ARAP1: variants seen among roughly 807,000 people sequenced by gnomAD.
ARAP1 encodes the protein ArfGAP with RhoGAP domain, ankyrin repeat and PH domain 1, also known as arf-GAP with Rho-GAP domain, ANK repeat and PH domain-containing protein 1.
Under a neutral mutation model 172.2 loss-of-function variants are expected in ARAP1, and 76 were observed. The observed-to-expected ratio is 0.44, with a 90% CI of 0.37 to 0.53. The LOEUF (loss-of-function observed/expected upper bound fraction) is 0.53. Among genes scored for constraint, ARAP1 ranks in the 20% least tolerant of loss-of-function variants. The pLI, the probability that ARAP1 is intolerant of heterozygous loss-of-function variation, is 0.00. For missense variants in ARAP1, 1,686 were observed against 1,977.5 expected (o/e 0.85, Z 2.80); for synonymous variants, 804 against 803.3 (o/e 1.00, Z -0.01).
At chr11:72,743,046 A>G (rs1858249111) in intron 1 of ARAP1, among the ~76,000 whole-genome samples, 1 of 152,002 alleles carries the variant, frequency 6.6e-6, no homozygotes, top group Non-Finnish European at 1.5e-5. Flanking sequence ...TGACCACTCT[A>G]TCCTAAAAAG....
intron 1 of ARAP1, among the ~76,000 whole-genome samples, chr11:72,738,897 C>G (rs902698171): frequency 5.9e-5 from 9 of 152,202 alleles, no homozygotes; most frequent in African/African-American, 2.2e-4. Context: ...TGCAACAACC[C>G]CACAGCCCAA....
rs773908523 is a variant in ARAP1, at chr11:72,713,202, C to A, written c.721G>T (p.Ala241Ser). The A allele has an allele frequency of 1.2e-6, 2 of 1,612,938 alleles. No homozygotes were observed. Among genetic ancestry groups the A allele is most frequent in the Non-Finnish European group, 1.7e-6 (2 of 1,179,344 alleles). ...YDEVPEEGPG[A>S]PARVMTKKEE... Reference sequence around the variant, plus strand: ...TTCTTGGTCATCACTCTGGCTGGGGCCCCCGGCCCCTCCTCTGGGACCTCA... The same window carrying A: ...TTCTTGGTCATCACTCTGGCTGGGGACCCCGGCCCCTCCTCTGGGACCTCA... Residue 241 changes from alanine to serine, a missense_variant, in exon 5 of 35, where the codon GCC (alanine) becomes TCC (serine). Ala to Ser is a moderately conservative substitution (Grantham distance 99). This residue lies in a region of ARAP1 where 155 missense variants were observed against 129.2 expected (regional missense o/e 1.20). Coordinates refer to ENST00000393609, the MANE Select transcript of ARAP1 (RefSeq NM_001040118.3).
chr11:72,704,195 C>T lies in ARAP1; in HGVS notation c.1949G>A (p.Arg650His), dbSNP rs368533267. The change falls in exon 14 of 35, where the codon CGC (arginine) becomes CAC (histidine). Residue 650 changes from arginine (R) to histidine (H), a missense_variant. Arg to His is a conservative substitution (Grantham distance 29). This residue lies in a region of ARAP1 where 688 missense variants were observed against 856.9 expected (regional missense o/e 0.80). Coordinates refer to ENST00000393609, the MANE Select transcript of ARAP1 (RefSeq NM_001040118.3). The part of the protein sequence containing the change: ...LEAKYREGKY[R>H]RYHPLFGNQE... ...GTTGCCAAAGAGCGGGTGGTAGCGG[C>T]GGTACTTGCCCTCACGGTACTTGGC... 8 of 1,614,030 alleles carry T rather than the reference C, an allele frequency of 5.0e-6. No individual in the cohort carries two copies. Among genetic ancestry groups the T allele is most frequent in the South Asian group, 2.2e-5 (2 of 91,084 alleles).
At chr11:72,703,480 C>A (rs1380221606) in intron 14 of ARAP1, 1 of 172,102 alleles carries the variant, frequency 5.8e-6, no homozygotes, top group Non-Finnish European at 1.2e-5. Flanking sequence ...GCCCTCCCAA[C>A]CAATGGGAGT....
At chr11:72,730,548 G>C (rs1289167218) in intron 2 of ARAP1, among the ~76,000 whole-genome samples, 1 of 152,122 alleles carries the variant, frequency 6.6e-6, no homozygotes, top group East Asian at 1.9e-4. Context: ...AATACAAAAA[G>C]TTAGCCAGGC....
At chr11:72,703,214 G>T in intron 14 of ARAP1, 135 bp from the exon 15 acceptor site, 1 of 878,148 alleles carries the variant, frequency 1.1e-6, no homozygotes, top group Non-Finnish European at 1.7e-6. Context: ...CTGAAAGAGA[G>T]AATAGGAAGG....
rs548349119 is a variant in ARAP1, at chr11:72,711,139, G to A, written c.1095C>T (p.Asp365=). 299 of 1,614,146 alleles carry A rather than the reference G, an allele frequency of 1.9e-4. 3 individuals are homozygous for A. In the South Asian group the frequency reaches 2.0e-3, roughly 11 times the overall value. ...CAGAGATAAAGCGCTTAGAGTAAGC[G>A]TCCTGGGGGAGAGACAGGAACTATA... ...DHLRYFDSNK[D]AYSKRFISVA... Residue 365 remains aspartate, a splice_region_variant and synonymous_variant, in exon 9 of 35, where the codon GAC becomes GAT. Coordinates refer to ENST00000393609, the MANE Select transcript of ARAP1 (RefSeq NM_001040118.3).
intron 5 of ARAP1, 50 bp downstream of exon 5, chr11:72,713,126 G>A (rs779224890): frequency 4.4e-6 from 7 of 1,586,326 alleles, no homozygotes; most frequent in South Asian, 1.1e-5. Context: ...CAGGCAGCTG[G>A]GCACCCCCAC....
chr11:72,750,816 C>T (rs1238700920), intron 1 of ARAP1, among the ~76,000 whole-genome samples: 1 of 152,184 alleles, frequency 6.6e-6, no homozygotes, highest in Admixed American at 6.5e-5. Context: ...TCCAAGGAGA[C>T]CCTTCCTAAG....
At chr11:72,697,574 C>G in intron 20 of ARAP1, 24 bp downstream of exon 20, 2 of 1,613,900 alleles carry the variant, frequency 1.2e-6, no homozygotes, top group Non-Finnish European at 1.7e-6. Context: ...CTTCTCAGAG[C>G]CCCTCAGGGA....
rs780319637 is a variant in ARAP1 at position 72,695,107 on chromosome 11, C to G, written c.3577-10G>C. 7 of 1,613,126 alleles carry G rather than the reference C, an allele frequency of 4.3e-6. No individual in the cohort carries two copies. Among genetic ancestry groups the G allele is most frequent in the Non-Finnish European group, 5.9e-6 (7 of 1,179,576 alleles). ...TCATGGATGCTGGGACCTGCAAGGA[C>G]CAAGGAGGAGATTAGCCTGCCTGTG... is the stretch of plus-strand genomic sequence containing the variant. On this transcript the variant is annotated splice_polypyrimidine_tract_variant and intron_variant, in intron 26 of 34. Coordinates refer to ENST00000393609, the MANE Select transcript of ARAP1 (RefSeq NM_001040118.3). The surrounding 1 kb of genome is among the most constrained non-coding windows in gnomAD (Gnocchi z 4.4).
At position 72,714,193 on chromosome 11, in the gene ARAP1, G is replaced by T; in HGVS notation, c.638C>A (p.Pro213Gln). The T allele has an allele frequency of 6.6e-7, 1 of 1,517,170 alleles. No individual in the cohort carries two copies. Among genetic ancestry groups the T allele is most frequent in the East Asian group, 2.6e-5 (1 of 39,208 alleles). 94.0% of individuals were successfully genotyped at this position (1,517,170 alleles called of 1,614,324 possible). Residue 213 changes from proline (P) to glutamine (Q), a missense_variant, in exon 4 of 35, where the codon CCG becomes CAG. Physicochemically the swap from Pro to Gln is moderately conservative, Grantham distance 76. Transcript: ENST00000393609. ...PQPPSPPPCP[P>Q]EIPPKPVRLF... ...GCGTACCGGCTTTGGAGGTATCTCC[G>T]GGGGGCAGGGAGGTGGAGAGGGAGG...
chr11:72,745,163 C>G (rs973183853), intron 1 of ARAP1, among the ~76,000 whole-genome samples: 23 of 151,150 alleles, frequency 1.5e-4, no homozygotes, highest in Admixed American at 1.2e-3. Flanking sequence ...CAAACCCACA[C>G]AGCAGCCCAA....
chr11:72,713,589 T>C (rs9667947), intron 4 of ARAP1, among the ~76,000 whole-genome samples: 21,158 of 151,996 alleles, frequency 0.14, 1,645 homozygotes, highest in South Asian at 0.18. Context: ...GGCTCATGCC[T>C]GTAATCCCAG....
chr11:72,710,609 G>A lies in ARAP1; in HGVS notation c.1214-22C>T, dbSNP rs1414602891. On this transcript the variant is annotated intron_variant, in intron 9 of 34. Coordinates refer to ENST00000393609, the MANE Select transcript of ARAP1 (RefSeq NM_001040118.3). The surrounding 1 kb of genome is among the most constrained non-coding windows in gnomAD (Gnocchi z 4.3). ...TCCACTGCAGGAGAAGGGTAGAGGA[G>A]TAAGCCCAAGGTTGCAGGGAGCCCC... 6 of 1,587,410 alleles carry A rather than the reference G, an allele frequency of 3.8e-6. No homozygotes were observed. The Admixed American group carries it at 6.8e-5, about 18-fold the overall frequency.
intron 3 of ARAP1, among the ~76,000 whole-genome samples, chr11:72,719,662 G>A (rs1047876465): frequency 2.6e-5 from 4 of 152,094 alleles, no homozygotes; most frequent in East Asian, 3.9e-4. Flanking sequence ...ACCCCTACCC[G>A]TTCCTATCTT....
intron 5 of ARAP1, 66 bp downstream of exon 5, chr11:72,713,110 G>A: frequency 1.3e-6 from 2 of 1,524,206 alleles, no homozygotes; most frequent in South Asian, 1.1e-5. Flanking sequence ...AGTCCTCAGG[G>A]TCTGACAGGC....
At position 72,693,786 on chromosome 11, in the gene ARAP1, C is replaced by A; in HGVS notation, c.3714G>T (p.Ala1238=). 6.2e-7 allele frequency: 1 copy of A among 1,606,878 alleles called. No individual in the cohort carries two copies. Among genetic ancestry groups the A allele is most frequent in the East Asian group, 2.2e-5 (1 of 44,542 alleles). ...REEAERPLHF[A]EKVLPILHGL... ...CGTGCAGGATGGGCAGCACCTTCTC[C>A]GCAAAGTGCAGGGGGCGCTCTGGGG... Residue 1238 remains alanine, a synonymous_variant, in exon 28 of 35, where the codon GCG becomes GCT. Transcript: ENST00000393609. The surrounding 1 kb of genome is among the most constrained non-coding windows in gnomAD (Gnocchi z 4.6).
At chr11:72,707,533 G>A (rs1183977310) in intron 11 of ARAP1, among the ~76,000 whole-genome samples, 159 bp from the exon 12 acceptor site, 1 of 152,200 alleles carries the variant, frequency 6.6e-6, no homozygotes, top group Non-Finnish European at 1.5e-5. Context: ...TGTGGACAAA[G>A]GCAAGGACAA....
Sources: gnomAD v4.1 joint callset for allele counts (sites outside exome capture counted in the v4.1 genomes callset) on GRCh38, gnomAD v4.1.1 for gene constraint, gnomAD v4.1.1 regional missense constraint, Gnocchi (gnomAD v3.1) non-coding constraint, MANE v1.5 for transcripts, NCBI Gene and HGNC (gene_info 2026-07-23, HGNC 2026-07-21) for gene names.